The following ACBD3 variants were observed in gnomAD, a reference collection of about 807,000 sequenced individuals.
The protein encoded by ACBD3 is Golgi resident protein GCP60.
ACBD3 carries 30 observed loss-of-function variants against 66.9 expected under a neutral mutation model. The ratio of observed to expected loss-of-function variants is 0.45; its 90% CI spans 0.34 to 0.61. The LOEUF (loss-of-function observed/expected upper bound fraction) is 0.61. Ranked by LOEUF, ACBD3 falls within the 20% of genes least tolerant of loss-of-function variation. ACBD3 has a pLI of 0.02. For missense variants in ACBD3, 544 were observed against 664.5 expected (o/e 0.82, Z 1.99); for synonymous variants, 278 against 259.8 (o/e 1.07, Z -0.68).
chr1:226,165,748 C>T, intron 2 of ACBD3, 111 bp downstream of exon 2: 1 of 1,266,808 alleles, frequency 7.9e-7, no homozygotes, highest in Non-Finnish European at 1.1e-6. Context: ...CAAAAATGTT[C>T]AGTTCTTATC....
intron 1 of ACBD3, among the ~76,000 whole-genome samples, chr1:226,174,056 C>A (rs953322028): frequency 6.6e-6 from 1 of 151,976 alleles, no homozygotes; most frequent in African/African-American, 2.4e-5. Flanking sequence ...AGCCACCGCA[C>A]CCAACCAAGA....
intron 1 of ACBD3, among the ~76,000 whole-genome samples, 165 bp downstream of exon 1, chr1:226,186,222 GGTA>G (rs1360736574): frequency 6.6e-6 from 1 of 152,126 alleles, no homozygotes; most frequent in African/African-American, 2.4e-5. Context: ...TGGCCAAGCG[GGTA>G]GTGACAAACT....
chr1:226,174,802 G>C (rs1489272412), intron 1 of ACBD3, among the ~76,000 whole-genome samples: 1 of 149,802 alleles, frequency 6.7e-6, no homozygotes, highest in Non-Finnish European at 1.5e-5. Flanking sequence ...CTGAATGCTA[G>C]AAAACAATGA....
chr1:226,175,669 C>T (rs1345813506), intron 1 of ACBD3, among the ~76,000 whole-genome samples: 1 of 150,382 alleles, frequency 6.6e-6, no homozygotes, highest in Non-Finnish European at 1.5e-5. Context: ...ATTAAAGCAG[C>T]AGTAGGAAAA....
chr1:226,154,530 T>A (rs1420801195), intron 6 of ACBD3, 117 bp downstream of exon 6: 1 of 1,222,546 alleles, frequency 8.2e-7, no homozygotes, highest in Non-Finnish European at 1.1e-6. Flanking sequence ...AAAAAAATGT[T>A]CAACTCTCAC....
chr1:226,153,115 G>T (rs1232892559), intron 6 of ACBD3, among the ~76,000 whole-genome samples: 1 of 152,122 alleles, frequency 6.6e-6, no homozygotes, highest in African/African-American at 2.4e-5. Context: ...ACAAAAACTC[G>T]GACAGGATTA....
intron 7 of ACBD3, among the ~76,000 whole-genome samples, chr1:226,147,445 C>T (rs753204226): frequency 1.3e-5 from 2 of 152,096 alleles, no homozygotes; most frequent in Non-Finnish European, 2.9e-5. Flanking sequence ...CCCATTTTCC[C>T]CTTTCCATAG....
chr1:226,160,264 A>G (rs893927261), intron 4 of ACBD3, among the ~76,000 whole-genome samples: 6 of 151,860 alleles, frequency 4.0e-5, no homozygotes, highest in African/African-American at 9.7e-5. Context: ...GCTAATCTTT[A>G]TATTTTTAGT....
At position 226,147,590 on chromosome 1, in the gene ACBD3, T is replaced by C. The variant is rs932992310; in HGVS notation, c.1376-769A>G. On this transcript the variant is annotated intron_variant, in intron 7 of 7. Transcript: ENST00000366812. ...GATGGAAGATGATTTGTGAGGACTA[T>C]TGCTTTCTGTATATCTTAAATATAA... 3.3e-5 allele frequency among the ~76,000 whole-genome samples: 5 copies of C among 152,234 alleles called. 1 individual carries two copies. The highest frequency in any genetic ancestry group is 4.8e-5 in the African/African-American group (2 of 41,460).
At chr1:226,182,606 TC>T (rs1373004925) in intron 1 of ACBD3, among the ~76,000 whole-genome samples, 1 of 151,658 alleles carries the variant, frequency 6.6e-6, no homozygotes, top group East Asian at 1.9e-4. Context: ...ATAGCAAGAC[TC>T]CGTCTCAGAA....
chr1:226,150,987 T>G (rs1400918313), intron 7 of ACBD3, among the ~76,000 whole-genome samples: 3 of 152,208 alleles, frequency 2.0e-5, no homozygotes, highest in Non-Finnish European at 4.4e-5. Context: ...CATTAAATAT[T>G]AACTGTTAAA....
chr1:226,176,981 C>A (rs570766703), intron 1 of ACBD3, among the ~76,000 whole-genome samples: 42 of 152,200 alleles, frequency 2.8e-4, no homozygotes, highest in Middle Eastern at 3.4e-3. Context: ...AAAATGTGCA[C>A]ATTATTTTTA....
chr1:226,150,539 C>T (rs9659809), intron 7 of ACBD3, among the ~76,000 whole-genome samples: 21,064 of 152,004 alleles, frequency 0.14, 1,621 homozygotes, highest in Middle Eastern at 0.22. Flanking sequence ...CCACCACGCT[C>T]GGCTAATTTT....
intron 1 of ACBD3, among the ~76,000 whole-genome samples, chr1:226,173,742 C>CT (rs376932679): frequency 0.031 from 4,006 of 128,450 alleles, 181 homozygotes; most frequent in African/African-American, 0.11. Context: ...TAATTTTCTT[C>CT]TTTTTTTTTC....
At chr1:226,183,883 T>TAAA (rs56294022) in intron 1 of ACBD3, among the ~76,000 whole-genome samples, 9 of 72,758 alleles carry the variant, frequency 1.2e-4, no homozygotes, top group African/African-American at 4.4e-4. Context: ...AAACTCTGCC[T>TAAA]AAAAAAAAAA....
At chr1:226,167,040 C>T (rs1659890518) in intron 1 of ACBD3, among the ~76,000 whole-genome samples, 1 of 152,144 alleles carries the variant, frequency 6.6e-6, no homozygotes, top group Admixed American at 6.5e-5. Flanking sequence ...AGCAATCCTC[C>T]TGCCTCAGCC....
At chr1:226,167,661 GAAAACGGGGAGGGCACTTGA>G (rs1389386340) in intron 1 of ACBD3, among the ~76,000 whole-genome samples, 1 of 152,142 alleles carries the variant, frequency 6.6e-6, no homozygotes, top group Non-Finnish European at 1.5e-5. Context: ...CAAATTTAAA[GAAAACGGGGAGGGCACTTGA>G]AAGTAGCATA....
chr1:226,173,752 C>CTTTTTTTTT (rs1655923703), intron 1 of ACBD3, among the ~76,000 whole-genome samples: 1 of 112,976 alleles, frequency 8.9e-6, no homozygotes, highest in East Asian at 2.6e-4. Flanking sequence ...CTTTTTTTTT[C>CTTTTTTTTT]TTTTCTTTTT....
rs1205739510 is a variant in ACBD3 at position 226,177,560 on chromosome 1, G to A, written c.286+8830C>T. Among the ~76,000 whole-genome samples, 4 of 152,008 alleles carry A rather than the reference G, an allele frequency of 2.6e-5. No individual in the cohort carries two copies. The East Asian group carries it at 5.8e-4, about 22-fold the overall frequency. On this transcript the variant is annotated intron_variant, in intron 1 of 7. Coordinates refer to ENST00000366812, the MANE Select transcript of ACBD3 (RefSeq NM_022735.4). The stretch of plus-strand genomic sequence containing the variant: ...CTTGAATCAGGAACAGTCAATACCA[G>A]TATGAACAGAGGAGTTTACTATACA...
Sources: gnomAD v4.1 joint callset for allele counts (sites outside exome capture counted in the v4.1 genomes callset) on GRCh38, gnomAD v4.1.1 for gene constraint, MANE v1.5 for transcripts, NCBI Gene and HGNC (gene_info 2026-07-23, HGNC 2026-07-21) for gene names.